The following STK32B variants were observed in gnomAD, a reference collection of about 807,000 sequenced individuals.
STK32B encodes serine/threonine kinase 32B.
Under a neutral mutation model 52.6 loss-of-function variants are expected in STK32B, and 43 were observed. The ratio of observed to expected loss-of-function variants is 0.82; its 90% CI spans 0.64 to 1.05. The LOEUF (loss-of-function observed/expected upper bound fraction) is 1.05. Among genes scored for constraint, STK32B ranks in the 50% least tolerant of loss-of-function variants. The probability of loss-of-function intolerance (pLI) is 0.00; values close to 1 mark genes in which losing one functional copy is unlikely to be tolerated. For missense variants in STK32B, 621 were observed against 534.6 expected (o/e 1.16, Z -1.59); for synonymous variants, 238 against 204.3 (o/e 1.17, Z -1.41).
chr4:5,157,763 T>C (rs1167752914), intron 2 of STK32B, among the ~76,000 whole-genome samples: 1 of 152,166 alleles, frequency 6.6e-6, no homozygotes, highest in African/African-American at 2.4e-5. Flanking sequence ...TTAAACAGTT[T>C]TGACTGCAAA....
chr4:5,489,038 C>T lies in STK32B; in HGVS notation c.1107-9907C>T, dbSNP rs28763579. On this transcript the variant is annotated intron_variant, in intron 11 of 11. Coordinates refer to ENST00000282908, the MANE Select transcript of STK32B (RefSeq NM_018401.3). ...TTAGTAAAACTCTAGGACTCAAGATCTTTAATTGTCTGTCATGTATCAATA... is the reference window on the plus strand; with the variant it reads ...TTAGTAAAACTCTAGGACTCAAGATTTTTAATTGTCTGTCATGTATCAATA... Among the ~76,000 whole-genome samples, 127 of 151,786 alleles carry T rather than the reference C, an allele frequency of 8.4e-4. 1 individual carries two copies. Among genetic ancestry groups the T allele is most frequent in the African/African-American group, 2.9e-3 (119 of 41,504 alleles).
intron 1 of STK32B, among the ~76,000 whole-genome samples, chr4:5,102,944 C>G (rs1233783228): frequency 8.0e-6 from 1 of 124,352 alleles, no homozygotes; most frequent in Admixed American, 8.3e-5. Flanking sequence ...CCCCCCTCCC[C>G]CTCCTCTCCT....
intron 5 of STK32B, among the ~76,000 whole-genome samples, chr4:5,409,118 C>A (rs1000961655): frequency 1.3e-5 from 2 of 152,084 alleles, no homozygotes; most frequent in African/African-American, 4.8e-5. Flanking sequence ...TGTTCTGCCC[C>A]CAAAAAGATG....
At position 5,394,394 on chromosome 4, in the gene STK32B, T is replaced by C. The variant is rs2109040797; in HGVS notation, c.435-3813T>C. 6.6e-6 allele frequency among the ~76,000 whole-genome samples: 1 copy of C among 152,292 alleles called. No homozygotes were observed. The highest frequency in any genetic ancestry group is 3.4e-3 in the Middle Eastern group (1 of 294). On this transcript the variant is annotated intron_variant, in intron 4 of 11. Transcript: ENST00000282908. The surrounding 1 kb of genome is among the most constrained non-coding windows in gnomAD (Gnocchi z 4.2). Reference sequence around the variant, plus strand: ...ACAGGATGACGCGCTGGAGCTGAGATACGATCAATGTGAAAAATAGAGCTG... The same window carrying C: ...ACAGGATGACGCGCTGGAGCTGAGACACGATCAATGTGAAAAATAGAGCTG...
In STK32B at chr4:5,088,555, A is replaced by G. The variant is rs930638573; in HGVS notation, c.52+36640A>G. On this transcript the variant is annotated intron_variant, in intron 1 of 11. Coordinates refer to ENST00000282908, the MANE Select transcript of STK32B (RefSeq NM_018401.3). ...AATACCTAGTATTTGATCGTACAAT[A>G]GGATGAGTGCAGTCAAAATAATTTA... Among the ~76,000 whole-genome samples the G allele has an allele frequency of 4.6e-5, 7 of 152,224 alleles. No homozygotes were observed. The South Asian group carries it at 6.2e-4, about 14-fold the overall frequency.
At chr4:5,088,652 A>T (rs1712874762) in intron 1 of STK32B, among the ~76,000 whole-genome samples, 1 of 152,004 alleles carries the variant, frequency 6.6e-6, no homozygotes, top group African/African-American at 2.4e-5. Context: ...TGTTTGAGAG[A>T]TGGATACTTC....
chr4:5,407,615 G>C (rs891275971), intron 5 of STK32B, among the ~76,000 whole-genome samples: 1 of 152,096 alleles, frequency 6.6e-6, no homozygotes, highest in African/African-American at 2.4e-5. Context: ...AGGTGAAGGG[G>C]AAGTAAGTAG....
At chr4:5,019,553 T>G in the STK32B span, 2 of 1,256,094 alleles carry the variant, frequency 1.6e-6, no homozygotes, top group Non-Finnish European at 2.1e-6. Context: ...CAGGCTGCGG[T>G]CCATCCAGGG....
At chr4:5,426,692 C>CAAAAAAAAAAAAAAAAAAAAAAA (rs746246839) in intron 6 of STK32B, among the ~76,000 whole-genome samples, 1 of 78,014 alleles carries the variant, frequency 1.3e-5, no homozygotes, top group African/African-American at 4.7e-5. Flanking sequence ...TCCATCTAAA[C>CAAAAAAAAAAAAAAAAAAAAAAA]AAAAAAAAAA....
intron 3 of STK32B, among the ~76,000 whole-genome samples, chr4:5,299,665 G>A (rs1344057567): frequency 6.6e-6 from 1 of 152,114 alleles, no homozygotes; most frequent in African/African-American, 2.4e-5. Context: ...TTTTGTTACT[G>A]TAGCCTTGTG....
chr4:5,416,346 C>T (rs1191994071), intron 5 of STK32B, among the ~76,000 whole-genome samples: 6 of 152,174 alleles, frequency 3.9e-5, no homozygotes, highest in Admixed American at 1.3e-4. Flanking sequence ...TCACTTCATC[C>T]TGGATGGAAG....
chr4:5,198,310 C>T (rs926844029), intron 3 of STK32B, among the ~76,000 whole-genome samples: 3 of 152,222 alleles, frequency 2.0e-5, no homozygotes, highest in Non-Finnish European at 2.9e-5. Context: ...CCACTTGACA[C>T]GCCACCTGTG....
chr4:5,355,034 A>G (rs914919601), intron 4 of STK32B, among the ~76,000 whole-genome samples: 2 of 152,152 alleles, frequency 1.3e-5, no homozygotes, highest in Non-Finnish European at 2.9e-5. Context: ...TCCAGAAGGG[A>G]CACAGCCCTG....
chr4:5,493,450 G>C (rs371102055), intron 11 of STK32B, among the ~76,000 whole-genome samples: 20 of 151,972 alleles, frequency 1.3e-4, no homozygotes, highest in South Asian at 2.1e-4. Flanking sequence ...TTTATTGCGT[G>C]TATTTGATTC....
chr4:5,170,112 G>C (rs1201952315), intron 3 of STK32B, among the ~76,000 whole-genome samples: 1 of 152,114 alleles, frequency 6.6e-6, no homozygotes, highest in Non-Finnish European at 1.5e-5. Context: ...TGTCATGTGG[G>C]TTACTTGGGC....
At chr4:5,458,609 T>A (rs1716768409) in intron 8 of STK32B, 1 of 152,328 alleles carries the variant, frequency 6.6e-6, no homozygotes, top group Non-Finnish European at 1.5e-5. Context: ...ATTAATCTGT[T>A]AAATTACTTT....
intron 1 of STK32B, among the ~76,000 whole-genome samples, chr4:5,090,271 A>G (rs1427774709): frequency 6.6e-6 from 1 of 151,362 alleles, no homozygotes; most frequent in African/African-American, 2.4e-5. Flanking sequence ...TATTTTCATC[A>G]TGAAGTCTTT....
chr4:5,398,221 A>G lies in STK32B; in HGVS notation c.449A>G (p.Asp150Gly). 1 of 1,614,128 alleles carries G rather than the reference A, an allele frequency of 6.2e-7. No individual in the cohort carries two copies. The highest frequency in any genetic ancestry group is 8.5e-7 in the Non-Finnish European group (1 of 1,180,022). The change falls in exon 5 of 12, where the codon GAC becomes GGC. Residue 150 changes from aspartate (D) to glycine (G), a missense_variant. Coordinates refer to ENST00000282908, the MANE Select transcript of STK32B (RefSeq NM_018401.3). The surrounding 1 kb of genome is among the most constrained non-coding windows in gnomAD (Gnocchi z 4.9). ...YHIIHRDIKP[D>G]NILLDEHGHV... ...TTCTTTTACAGAGACATCAAGCCAGACAATATCCTGCTGGATGAACACGGT... is the reference window on the plus strand; with the variant it reads ...TTCTTTTACAGAGACATCAAGCCAGGCAATATCCTGCTGGATGAACACGGT...
At chr4:5,406,418 A>G (rs1222247871) in intron 5 of STK32B, among the ~76,000 whole-genome samples, 3 of 152,282 alleles carry the variant, frequency 2.0e-5, no homozygotes, top group Non-Finnish European at 4.4e-5. Flanking sequence ...TCCACTAGGC[A>G]GTGCCCCAGT....
Sources: gnomAD v4.1 joint callset for allele counts (sites outside exome capture counted in the v4.1 genomes callset) on GRCh38, gnomAD v4.1.1 for gene constraint, Gnocchi (gnomAD v3.1) non-coding constraint, MANE v1.5 for transcripts, NCBI Gene and HGNC (gene_info 2026-07-23, HGNC 2026-07-21) for gene names.